Variants in DIAPH3 observed in about 807,000 individuals in gnomAD.
DIAPH3 encodes the protein protein diaphanous homolog 3.
Under a neutral mutation model 144.3 loss-of-function variants are expected in DIAPH3, and 117 were observed. The ratio of observed to expected loss-of-function variants is 0.81; its 90% confidence interval spans 0.70 to 0.95. DIAPH3 has a LOEUF of 0.95. Ranked by LOEUF, DIAPH3 falls within the 40% of genes least tolerant of loss-of-function variation. The pLI is 0.00. For synonymous variants in DIAPH3, 519 were observed against 488.9 expected, an observed-to-expected ratio of 1.06 and a Z score of -0.81; for missense variants, 1,421 against 1,412.7, an observed-to-expected ratio of 1.01 and a Z score of -0.09.
chr13:59,702,112 T>C (rs1349019905), intron 27 of DIAPH3, among the ~76,000 whole-genome samples: 1 of 152,172 alleles, frequency 6.6e-6, no homozygotes, highest in Non-Finnish European at 1.5e-5. Flanking sequence ...CGAATAAAGA[T>C]TTGTTATTAT....
At chr13:60,120,752 T>C (rs2058824919) in intron 2 of DIAPH3, among the ~76,000 whole-genome samples, 1 of 152,130 alleles carries the variant, frequency 6.6e-6, no homozygotes, top group African/African-American at 2.4e-5. Flanking sequence ...AGCACCCACT[T>C]GCCAGTCATG....
At chr13:59,686,406 T>A (rs1053663536) in intron 27 of DIAPH3, among the ~76,000 whole-genome samples, 1 of 151,818 alleles carries the variant, frequency 6.6e-6, no homozygotes, top group African/African-American at 2.4e-5. Flanking sequence ...TTCACATCAA[T>A]GTTCTACTCA....
intron 15 of DIAPH3, among the ~76,000 whole-genome samples, chr13:59,972,508 T>C (rs1374754350): frequency 6.6e-6 from 1 of 152,116 alleles, no homozygotes; most frequent in African/African-American, 2.4e-5. Context: ...ATAGACCATG[T>C]ATAAAAGCTC....
chr13:59,947,390 C>T (rs989481938), intron 17 of DIAPH3, among the ~76,000 whole-genome samples: 4 of 152,178 alleles, frequency 2.6e-5, no homozygotes, highest in South Asian at 2.1e-4. Context: ...ATTCTCTTAA[C>T]GCTTTCCTAT....
At chr13:59,851,565 A>G (rs1484309798) in intron 22 of DIAPH3, among the ~76,000 whole-genome samples, 5 of 151,894 alleles carry the variant, frequency 3.3e-5, no homozygotes, top group Non-Finnish European at 5.9e-5. Flanking sequence ...TTTTGTTTTT[A>G]CAGCTCTTTG....
chr13:59,768,000 C>T (rs2037941360), intron 27 of DIAPH3, among the ~76,000 whole-genome samples: 1 of 152,194 alleles, frequency 6.6e-6, no homozygotes. Flanking sequence ...GGCATCCTTA[C>T]CTAGGCAGGA....
intron 22 of DIAPH3, 146 bp downstream of exon 22, chr13:59,861,261 C>G (rs2043564903): frequency 6.5e-7 from 1 of 1,536,326 alleles, no homozygotes; most frequent in Non-Finnish European, 8.7e-7. Context: ...TCATAATATC[C>G]TACAACTCTC....
intron 24 of DIAPH3, among the ~76,000 whole-genome samples, chr13:59,825,235 T>C (rs991194554): frequency 6.6e-6 from 1 of 152,062 alleles, no homozygotes; most frequent in African/African-American, 2.4e-5. Flanking sequence ...CCCCTTCCTG[T>C]GTCCATGTGT....
intron 2 of DIAPH3, among the ~76,000 whole-genome samples, chr13:60,126,743 C>T (rs1315551130): frequency 6.6e-6 from 1 of 152,018 alleles, no homozygotes; most frequent in Non-Finnish European, 1.5e-5. Context: ...CAGACACAGT[C>T]AAATATCAGG....
At chr13:59,916,037 C>T in intron 19 of DIAPH3, 118 bp downstream of exon 19, 4 of 842,664 alleles carry the variant, frequency 4.7e-6, no homozygotes, top group Non-Finnish European at 7.9e-6. Context: ...ACTAATTATG[C>T]AGCAATGATT....
intron 25 of DIAPH3, among the ~76,000 whole-genome samples, chr13:59,794,636 C>T (rs1343893169): frequency 2.6e-5 from 4 of 151,956 alleles, no homozygotes; most frequent in South Asian, 4.1e-4. Context: ...AGTTCTGATG[C>T]GAATTTTGAT....
chr13:59,811,150 A>T (rs574011220), intron 24 of DIAPH3, among the ~76,000 whole-genome samples: 2 of 152,162 alleles, frequency 1.3e-5, no homozygotes, highest in South Asian at 4.1e-4. Flanking sequence ...CATCTTTAAA[A>T]CATCCACATC....
chr13:59,757,017 T>C (rs1045937113), intron 27 of DIAPH3, among the ~76,000 whole-genome samples: 1 of 152,188 alleles, frequency 6.6e-6, no homozygotes, highest in African/African-American at 2.4e-5. Flanking sequence ...TTCTCCCTCC[T>C]ACTCCGTTTC....
chr13:59,743,049 G>T (rs1253970256), intron 27 of DIAPH3, among the ~76,000 whole-genome samples: 2 of 152,206 alleles, frequency 1.3e-5, no homozygotes, highest in Non-Finnish European at 2.9e-5. Flanking sequence ...GGAATCTGGT[G>T]ATGGAGTGGG....
At chr13:59,982,245 T>C (rs552005164) in intron 13 of DIAPH3, among the ~76,000 whole-genome samples, 34 of 151,626 alleles carry the variant, frequency 2.2e-4, no homozygotes, top group Non-Finnish European at 4.1e-4. Context: ...AACCAAATGG[T>C]GTTCAAATAT....
At chr13:59,837,871 A>G (rs1035227317) in intron 23 of DIAPH3, 8 of 152,138 alleles carry the variant, frequency 5.3e-5, no homozygotes, top group African/African-American at 1.9e-4. Context: ...AAAGGAAACA[A>G]ACACGTTAGC....
At chr13:60,086,120 A>C (rs1053834584) in intron 4 of DIAPH3, among the ~76,000 whole-genome samples, 1 of 152,162 alleles carries the variant, frequency 6.6e-6, no homozygotes, top group Non-Finnish European at 1.5e-5. Context: ...GATTTTTAAA[A>C]GACCAAAAGT....
At chr13:59,685,027 T>G (rs2138655044) in intron 27 of DIAPH3, among the ~76,000 whole-genome samples, 1 of 152,248 alleles carries the variant, frequency 6.6e-6, no homozygotes, top group Non-Finnish European at 1.5e-5. Context: ...ACCTGACAGC[T>G]TTCTCTTACA....
chr13:60,161,838 C>G (rs1358606075), intron 1 of DIAPH3, among the ~76,000 whole-genome samples: 1 of 151,938 alleles, frequency 6.6e-6, no homozygotes, highest in African/African-American at 2.4e-5. Context: ...GAAAAATAAG[C>G]AAATGGAACT....
Sources: allele counts gnomAD v4.1 joint callset (sites outside exome capture counted in the v4.1 genomes callset), GRCh38; gene constraint gnomAD v4.1.1; transcripts MANE v1.5; gene names NCBI Gene and HGNC (gene_info 2026-07-23, HGNC 2026-07-21).